Variants in CAST observed in about 807,000 individuals in gnomAD.
CAST encodes the protein MIR583 host.
A neutral mutation model predicts 119.6 loss-of-function variants in CAST; 76 were observed. The observed-to-expected ratio is 0.64, with a 90% CI of 0.53 to 0.77. The LOEUF (loss-of-function observed/expected upper bound fraction) is 0.77, where lower values mean the gene tolerates loss of function less well. Ranked by LOEUF, CAST falls within the 30% of genes least tolerant of loss-of-function variation. The probability of loss-of-function intolerance (pLI) is 0.00; values close to 1 mark genes in which losing one functional copy is unlikely to be tolerated. For synonymous variants in CAST, 319 were observed against 331.6 expected (o/e 0.96, Z 0.41); for missense variants, 953 against 946.5 (o/e 1.01, Z -0.09).
At chr5:96,620,294 T>C (rs1388628993) in intron 1 of CAST, among the ~76,000 whole-genome samples, 7 of 151,950 alleles carry the variant, frequency 4.6e-5, no homozygotes, top group Admixed American at 1.3e-4. Flanking sequence ...TTTTCTTTTT[T>C]TTTTTTTTTG....
intron 28 of CAST, 63 bp from the exon 29 acceptor site, chr5:96,767,844 A>T: frequency 1.1e-6 from 1 of 923,334 alleles, no homozygotes; most frequent in South Asian, 1.4e-5. Flanking sequence ...ATGTGGGAAA[A>T]GACCCCATAT....
At chr5:96,291,905 T>C in the CAST span, among the ~76,000 whole-genome samples, 1 of 149,994 alleles carries the variant, frequency 6.7e-6, no homozygotes, top group Non-Finnish European at 1.5e-5. Context: ...GGTGTGCCGA[T>C]GACAGATACA....
chr5:96,253,245 A>G, the CAST span, among the ~76,000 whole-genome samples: 1 of 152,156 alleles, frequency 6.6e-6, no homozygotes, highest in African/African-American at 2.4e-5. Flanking sequence ...AAATATGGAT[A>G]TAGTCAGGAA....
chr5:96,573,914 T>C (rs1746617586), intron 1 of CAST, among the ~76,000 whole-genome samples: 2 of 152,332 alleles, frequency 1.3e-5, no homozygotes, highest in South Asian at 4.1e-4. Flanking sequence ...TATAATGTTT[T>C]TGAGATCTTC....
the CAST span, among the ~76,000 whole-genome samples, chr5:96,375,436 G>GTGTGT: frequency 3.9e-4 from 49 of 125,332 alleles, no homozygotes; most frequent in African/African-American, 1.2e-3. Context: ...GTGTGTGTGT[G>GTGTGT]TTTTTTTTAC....
At chr5:96,536,354 C>T (rs533196565) in intron 1 of CAST, among the ~76,000 whole-genome samples, 2 of 152,104 alleles carry the variant, frequency 1.3e-5, no homozygotes, top group African/African-American at 4.8e-5. Context: ...AGCAAAACTC[C>T]GTCTCCAAAA....
chr5:96,246,506 A>G, the CAST span, among the ~76,000 whole-genome samples: 11 of 152,258 alleles, frequency 7.2e-5, no homozygotes, highest in Non-Finnish European at 1.2e-4. Context: ...AGCAGCTCTG[A>G]GGATCAGCTA....
chr5:96,766,243 G>T, intron 27 of CAST, 98 bp downstream of exon 27: 1 of 674,298 alleles, frequency 1.5e-6, no homozygotes, highest in Non-Finnish European at 2.6e-6. Flanking sequence ...CTTTACAATA[G>T]CATAAAACAT....
At chr5:96,277,154 A>G in the CAST span, among the ~76,000 whole-genome samples, 1 of 152,126 alleles carries the variant, frequency 6.6e-6, no homozygotes, top group South Asian at 2.1e-4. Flanking sequence ...TCGTCTTTGT[A>G]GTTCTTCTTG....
the CAST span, among the ~76,000 whole-genome samples, chr5:96,489,653 G>T: frequency 6.6e-6 from 1 of 152,062 alleles, no homozygotes; most frequent in Non-Finnish European, 1.5e-5. Context: ...GTCTTTCCCA[G>T]CATGACCCCC....
At chr5:95,979,228 A>G in the CAST span, among the ~76,000 whole-genome samples, 1 of 152,182 alleles carries the variant, frequency 6.6e-6, no homozygotes, top group Admixed American at 6.5e-5. Flanking sequence ...TAAGAACTTT[A>G]TGTACCAATT....
the CAST span, chr5:96,433,927 C>G: frequency 6.6e-6 from 1 of 152,144 alleles, no homozygotes; most frequent in Non-Finnish European, 1.5e-5. Flanking sequence ...CCACCACCAC[C>G]TTTTAGGGTG....
the CAST span, among the ~76,000 whole-genome samples, chr5:96,443,369 C>T: frequency 6.6e-6 from 1 of 152,186 alleles, no homozygotes; most frequent in African/African-American, 2.4e-5. Context: ...TCTTTTGCTT[C>T]AAGCCAGCCA....
the CAST span, among the ~76,000 whole-genome samples, chr5:96,255,337 A>T: frequency 1.3e-5 from 2 of 152,080 alleles, no homozygotes; most frequent in African/African-American, 2.4e-5. Context: ...CTGGCCTAAA[A>T]CTCTTCCCAA....
intron 1 of CAST, among the ~76,000 whole-genome samples, chr5:96,569,710 C>T (rs141162243): frequency 6.6e-5 from 10 of 152,332 alleles, no homozygotes; most frequent in East Asian, 3.9e-4. Flanking sequence ...CAACACAGCA[C>T]TAAACAAGTC....
chr5:96,671,038 T>G (rs1750002705), intron 1 of CAST, among the ~76,000 whole-genome samples: 1 of 152,216 alleles, frequency 6.6e-6, no homozygotes, highest in South Asian at 2.1e-4. Flanking sequence ...GGCTGTCACC[T>G]AGAATGAGGA....
chr5:96,101,733 G>A, the CAST span, among the ~76,000 whole-genome samples: 3 of 152,166 alleles, frequency 2.0e-5, no homozygotes, highest in Non-Finnish European at 4.4e-5. Flanking sequence ...CATCACTTGA[G>A]GCCAGGAGTT....
the CAST span, among the ~76,000 whole-genome samples, chr5:96,092,169 TC>T: frequency 6.6e-6 from 1 of 152,312 alleles, no homozygotes; most frequent in East Asian, 1.9e-4. Context: ...TCTACTCCTC[TC>T]CCTTAGAAAA....
intron 3 of CAST, among the ~76,000 whole-genome samples, chr5:96,710,135 C>T (rs573153496): frequency 6.6e-6 from 1 of 152,126 alleles, no homozygotes; most frequent in African/African-American, 2.4e-5. Flanking sequence ...CTTCAGTAAC[C>T]TAGGCTAGCA....
Sources: allele counts gnomAD v4.1 joint callset (sites outside exome capture counted in the v4.1 genomes callset), GRCh38; gene constraint gnomAD v4.1.1; transcripts MANE v1.5; gene names NCBI Gene and HGNC (gene_info 2026-07-23, HGNC 2026-07-21).